Variants in TTC28 observed in about 807,000 individuals in gnomAD.
The protein encoded by TTC28 is tetratricopeptide repeat protein 28.
TTC28 carries 61 observed loss-of-function variants against 198.0 expected under a neutral mutation model. The ratio of observed to expected loss-of-function variants is 0.31; its 90% CI spans 0.25 to 0.38. TTC28 has a LOEUF of 0.38. Ranked by LOEUF, TTC28 falls within the 10% of genes least tolerant of loss-of-function variation. The pLI is 1.00. For synonymous variants in TTC28, 1,171 were observed against 1,297.8 expected (o/e 0.90, Z 2.10); for missense variants, 2,678 against 3,164.0 (o/e 0.85, Z 3.69).
chr22:28,012,763 C>A (rs1030925645), intron 14 of TTC28, among the ~76,000 whole-genome samples: 1 of 152,150 alleles, frequency 6.6e-6, no homozygotes, highest in African/African-American at 2.4e-5. Flanking sequence ...CTGCCCGGCT[C>A]GGCCTCCCAA....
intron 2 of TTC28, among the ~76,000 whole-genome samples, chr22:28,416,980 G>C (rs370356078): frequency 6.6e-6 from 1 of 152,078 alleles, no homozygotes; most frequent in Admixed American, 6.6e-5. Context: ...TTTTGCAAGC[G>C]AGTTTCTTTT....
intron 1 of TTC28, among the ~76,000 whole-genome samples, chr22:28,679,035 C>T (rs924925266): frequency 6.6e-6 from 1 of 152,226 alleles, no homozygotes; most frequent in African/African-American, 2.4e-5. Context: ...GGGAGCCCCA[C>T]CTCTAAAGTC....
rs34113983 is a variant in TTC28, at chr22:27,981,227, GA to G, written c.*993del. 1.6e-3 allele frequency: 158 copies of G among 97,092 alleles called. 15 individuals are homozygous for G. Among genetic ancestry groups the G allele is most frequent in the African/African-American group, 4.9e-3 (124 of 25,456 alleles). The allele number at this position is 97,092 out of a possible 1,614,324, so 6.0% of individuals were successfully genotyped here. A position where few individuals can be genotyped will look rare whatever the true frequency, so the allele number is the denominator to read the frequency against. On this transcript the variant is annotated 3_prime_UTR_variant, in exon 23 of 23. Transcript: ENST00000397906. ...TTCTGGTTAAATCTAGTTAGCCATG[GA>G]AATTTTTTTTTTTTTTTTTTTTTTT...
intron 13 of TTC28, chr22:28,028,815 T>A (rs1938950584): frequency 2.8e-6 from 1 of 355,316 alleles, no homozygotes; most frequent in East Asian, 7.5e-5. Flanking sequence ...GGTCAGTGTG[T>A]TATTTATACA....
intron 2 of TTC28, among the ~76,000 whole-genome samples, chr22:28,483,201 G>A (rs2048276331): frequency 6.6e-6 from 1 of 152,016 alleles, no homozygotes; most frequent in Non-Finnish European, 1.5e-5. Context: ...CTCTCATGAA[G>A]TTTACATTCT....
chr22:28,150,117 T>TA (rs910126402), intron 6 of TTC28, among the ~76,000 whole-genome samples: 3 of 152,204 alleles, frequency 2.0e-5, no homozygotes, highest in Non-Finnish European at 1.5e-5. Context: ...ATTAAGCCTT[T>TA]AAATAGAGTA....
At chr22:28,323,718 C>A (rs1282961413) in intron 2 of TTC28, among the ~76,000 whole-genome samples, 1 of 152,046 alleles carries the variant, frequency 6.6e-6, no homozygotes, top group Non-Finnish European at 1.5e-5. Flanking sequence ...GAGAAAATAA[C>A]AGAATTTTGC....
chr22:28,411,262 A>G (rs1011897741), intron 2 of TTC28, among the ~76,000 whole-genome samples: 17 of 152,186 alleles, frequency 1.1e-4, no homozygotes, highest in African/African-American at 4.1e-4. Context: ...TTCAGAGTGA[A>G]TAACAGAAAC....
At position 28,105,320 on chromosome 22, in the gene TTC28, G is replaced by A; in HGVS notation, c.3266C>T (p.Ala1089Val). ...SYSSLGRTHH[A>V]LQNYSQAVMY... The stretch of plus-strand genomic sequence containing the variant: ...GACTGCTTGGGAATAGTTCTGCAAG[G>A]CATGATGGGTCCTTCCAAGGCTACT... Residue 1089 changes from alanine to valine, a missense_variant, in exon 8 of 23, where the codon GCC becomes GTC. Ala to Val is a moderately conservative substitution (Grantham distance 64, BLOSUM62 0). Coordinates refer to ENST00000397906, the MANE Select transcript of TTC28 (RefSeq NM_001145418.2). The A allele has an allele frequency of 1.3e-6, 2 of 1,551,680 alleles. No homozygotes were observed. The highest frequency in any genetic ancestry group is 1.7e-6 in the Non-Finnish European group (2 of 1,146,998).
intron 5 of TTC28, among the ~76,000 whole-genome samples, chr22:28,170,694 T>C (rs1364992832): frequency 1.3e-5 from 2 of 152,166 alleles, no homozygotes; most frequent in Non-Finnish European, 2.9e-5. Flanking sequence ...GAAGGCTCAC[T>C]GGAGAGGGTC....
chr22:28,563,780 G>A (rs568958238), intron 2 of TTC28, among the ~76,000 whole-genome samples: 9 of 152,250 alleles, frequency 5.9e-5, no homozygotes, highest in African/African-American at 1.9e-4. Flanking sequence ...ATATAAGTCA[G>A]CAATTCCATG....
At chr22:28,003,729 T>C (rs571036828) in intron 14 of TTC28, among the ~76,000 whole-genome samples, 64 of 152,344 alleles carry the variant, frequency 4.2e-4, no homozygotes, top group Non-Finnish European at 6.8e-4. Flanking sequence ...GCAGCCCATC[T>C]TCGTAGAACT....
chr22:28,628,719 T>A (rs1341768463), intron 2 of TTC28, among the ~76,000 whole-genome samples: 1 of 152,068 alleles, frequency 6.6e-6, no homozygotes, highest in Non-Finnish European at 1.5e-5. Flanking sequence ...GCAGGCAGAT[T>A]GCTTGAGCTC....
chr22:28,625,830 G>A (rs1433867890), intron 2 of TTC28, among the ~76,000 whole-genome samples: 1 of 152,070 alleles, frequency 6.6e-6, no homozygotes, highest in Non-Finnish European at 1.5e-5. Flanking sequence ...TATGGTTAAG[G>A]CATTGAGATA....
chr22:28,617,186 A>C (rs1332566965), intron 2 of TTC28, among the ~76,000 whole-genome samples: 1 of 152,116 alleles, frequency 6.6e-6, no homozygotes, highest in African/African-American at 2.4e-5. Context: ...TAAAAAGGTA[A>C]ATTAAAGTAG....
At chr22:28,557,010 C>G (rs1175697400) in intron 2 of TTC28, among the ~76,000 whole-genome samples, 1 of 152,148 alleles carries the variant, frequency 6.6e-6, no homozygotes, top group Non-Finnish European at 1.5e-5. Flanking sequence ...TTCATTTGCA[C>G]AATACCCTAT....
intron 2 of TTC28, among the ~76,000 whole-genome samples, chr22:28,619,837 G>A (rs1310985833): frequency 6.6e-6 from 1 of 152,156 alleles, no homozygotes; most frequent in East Asian, 1.9e-4. Flanking sequence ...AGTAAAGCCA[G>A]GGTGGAAAAA....
rs577084252 is a variant in TTC28, at chr22:28,129,064, C to A, written c.1442-20661G>T. Among the ~76,000 whole-genome samples, 4 of 152,302 alleles carry A rather than the reference C, an allele frequency of 2.6e-5. No individual in the cohort carries two copies. In the East Asian group the frequency reaches 7.7e-4, roughly 29 times the overall value. ...AGACAGCCATATTCAATCTCTCTCT[C>A]CCTGAACATGATGTGATTGTTCCAT... On this transcript the variant is annotated intron_variant, in intron 6 of 22. Coordinates refer to ENST00000397906, the MANE Select transcript of TTC28 (RefSeq NM_001145418.2).
intron 2 of TTC28, among the ~76,000 whole-genome samples, chr22:28,461,824 T>A (rs1197639788): frequency 6.6e-6 from 1 of 152,156 alleles, no homozygotes; most frequent in Non-Finnish European, 1.5e-5. Context: ...CTCCATACAT[T>A]GTGCTCTCTT....
Sources: allele counts gnomAD v4.1 joint callset (sites outside exome capture counted in the v4.1 genomes callset), GRCh38; gene constraint gnomAD v4.1.1; transcripts MANE v1.5; gene names NCBI Gene and HGNC (gene_info 2026-07-23, HGNC 2026-07-21).